Variants in ARHGEF3 observed in about 807,000 individuals in gnomAD.
ARHGEF3 encodes the protein 59.8 kDA protein.
ARHGEF3 carries 28 observed loss-of-function variants against 63.2 expected under a neutral mutation model. That is an observed-to-expected ratio of 0.44 (90% confidence interval 0.33 to 0.61). The LOEUF is 0.61. ARHGEF3 is among the 20% of genes least tolerant of loss of function. The pLI is 0.03. For missense variants in ARHGEF3, 533 were observed against 659.3 expected, an observed-to-expected ratio of 0.81 and a Z score of 2.10; for synonymous variants, 266 against 254.2, an observed-to-expected ratio of 1.05 and a Z score of -0.44.
At chr3:56,777,337 G>A (rs1408469066) in intron 1 of ARHGEF3, among the ~76,000 whole-genome samples, 1 of 152,202 alleles carries the variant, frequency 6.6e-6, no homozygotes, top group Admixed American at 6.5e-5. Flanking sequence ...AAGGAAAGGA[G>A]AGAATAAAGG....
At chr3:56,992,836 A>G (rs900566600) in intron 2 of ARHGEF3, among the ~76,000 whole-genome samples, 1 of 151,836 alleles carries the variant, frequency 6.6e-6, no homozygotes, top group African/African-American at 2.4e-5. Flanking sequence ...TTTTTATTTT[A>G]TTTTTTATTT....
chr3:56,883,146 G>C (rs1405967262), intron 3 of ARHGEF3, among the ~76,000 whole-genome samples: 2 of 152,144 alleles, frequency 1.3e-5, no homozygotes, highest in East Asian at 3.8e-4. Flanking sequence ...CCTAATGTTG[G>C]AAAGAAACTT....
chr3:56,998,382 C>A (rs1702069918), intron 2 of ARHGEF3, among the ~76,000 whole-genome samples: 1 of 151,508 alleles, frequency 6.6e-6, no homozygotes, highest in Non-Finnish European at 1.5e-5. Context: ...GGTGGCTTGG[C>A]TCCTTCTCTT....
intron 2 of ARHGEF3, among the ~76,000 whole-genome samples, chr3:57,006,300 C>T (rs1024731576): frequency 6.6e-6 from 1 of 152,160 alleles, no homozygotes; most frequent in African/African-American, 2.4e-5. Context: ...CTGTCGATGC[C>T]AATGACCAGC....
At chr3:56,923,908 AAG>A (rs1404218943) in intron 3 of ARHGEF3, among the ~76,000 whole-genome samples, 1 of 152,232 alleles carries the variant, frequency 6.6e-6, no homozygotes, top group African/African-American at 2.4e-5. Context: ...ACTCTCACCC[AAG>A]GTAACTGGTC....
In ARHGEF3 at chr3:56,737,219, C is replaced by T; in HGVS notation, c.1007G>A (p.Cys336Tyr). The T allele has an allele frequency of 6.2e-7, 1 of 1,614,096 alleles. No homozygotes were observed. The highest frequency in any genetic ancestry group is 1.1e-5 in the South Asian group (1 of 91,072). ...DSLIDSSRVL[C>Y]CHGELKNNRG... The stretch of plus-strand genomic sequence containing the variant: ...ATTGTTCTTCAGTTCACCATGACAA[C>T]ACAAGACTCGAGAGCTGTCGATCAG... Residue 336 changes from cysteine (C) to tyrosine (Y), a missense_variant, in exon 8 of 10, where the codon TGT becomes TAT. Coordinates refer to ENST00000296315, the MANE Select transcript of ARHGEF3 (RefSeq NM_019555.3).
intron 8 of ARHGEF3, among the ~76,000 whole-genome samples, chr3:56,732,708 T>A (rs1333786625): frequency 6.6e-6 from 1 of 152,092 alleles, no homozygotes; most frequent in African/African-American, 2.4e-5. Flanking sequence ...GGGGCCCTAT[T>A]CACATTGCAA....
At chr3:56,770,901 C>G (rs915718466) in intron 2 of ARHGEF3, among the ~76,000 whole-genome samples, 1 of 152,082 alleles carries the variant, frequency 6.6e-6, no homozygotes, top group African/African-American at 2.4e-5. Context: ...CACTTTAGGT[C>G]AGGAGTTTGA....
intron 3 of ARHGEF3, among the ~76,000 whole-genome samples, chr3:56,918,637 A>G (rs1407040636): frequency 1.3e-5 from 2 of 152,210 alleles, no homozygotes; most frequent in Non-Finnish European, 2.9e-5. Context: ...TGCTCTGACC[A>G]GAAGCAAGAA....
chr3:56,820,757 T>C (rs1559967748), intron 4 of ARHGEF3, among the ~76,000 whole-genome samples: 1 of 152,216 alleles, frequency 6.6e-6, no homozygotes, highest in Non-Finnish European at 1.5e-5. Context: ...TCACCAAATG[T>C]GCAGTCTGAA....
At chr3:56,983,144 G>T (rs777436504) in intron 2 of ARHGEF3, among the ~76,000 whole-genome samples, 2 of 152,122 alleles carry the variant, frequency 1.3e-5, no homozygotes, top group Non-Finnish European at 2.9e-5. Flanking sequence ...GACCCCTAGG[G>T]TGTATGTATG....
chr3:56,915,394 C>T (rs183081551), intron 3 of ARHGEF3, among the ~76,000 whole-genome samples: 5 of 152,010 alleles, frequency 3.3e-5, no homozygotes, highest in Admixed American at 6.5e-5. Flanking sequence ...TGAGCCCGGG[C>T]GGTCAAGGTT....
At chr3:56,852,588 C>T (rs965388701) in intron 4 of ARHGEF3, among the ~76,000 whole-genome samples, 1 of 152,162 alleles carries the variant, frequency 6.6e-6, no homozygotes, top group African/African-American at 2.4e-5. Context: ...AGCTACAGAG[C>T]TATGATCCTT....
At chr3:56,821,371 G>A (rs2038488154) in intron 4 of ARHGEF3, among the ~76,000 whole-genome samples, 1 of 152,118 alleles carries the variant, frequency 6.6e-6, no homozygotes, top group African/African-American at 2.4e-5. Context: ...TCCAGTATAA[G>A]CAGATCACAA....
chr3:56,888,221 C>G (rs2108273846), intron 3 of ARHGEF3, among the ~76,000 whole-genome samples: 1 of 151,994 alleles, frequency 6.6e-6, no homozygotes, highest in Middle Eastern at 3.4e-3. Flanking sequence ...GCCATTTCCA[C>G]TCCTACGAAA....
At chr3:56,773,633 T>C in intron 2 of ARHGEF3, 76 bp downstream of exon 2, 1 of 1,291,454 alleles carries the variant, frequency 7.7e-7, no homozygotes, top group Non-Finnish European at 1.1e-6. Context: ...CCAGGGGAAA[T>C]TCTAGGTAGG....
intron 2 of ARHGEF3, among the ~76,000 whole-genome samples, chr3:56,963,315 T>C (rs911895966): frequency 6.6e-6 from 1 of 152,190 alleles, no homozygotes; most frequent in African/African-American, 2.4e-5. Flanking sequence ...AAATGTTAGT[T>C]ACCATTATCA....
intron 3 of ARHGEF3, among the ~76,000 whole-genome samples, chr3:56,950,932 C>G (rs1374105254): frequency 6.6e-6 from 1 of 151,896 alleles, no homozygotes; most frequent in Admixed American, 6.6e-5. Context: ...ATACACACCA[C>G]GGAATACTAT....
At chr3:57,050,643 G>A (rs1310471468) in intron 1 of ARHGEF3, among the ~76,000 whole-genome samples, 1 of 152,158 alleles carries the variant, frequency 6.6e-6, no homozygotes, top group East Asian at 1.9e-4. Context: ...GCCAGAGTGG[G>A]AAGGAAAGGC....
Sources: allele counts gnomAD v4.1 joint callset (sites outside exome capture counted in the v4.1 genomes callset), GRCh38; gene constraint gnomAD v4.1.1; transcripts MANE v1.5; gene names NCBI Gene and HGNC (gene_info 2026-07-23, HGNC 2026-07-21).